KIF21A: variants seen among roughly 807,000 people sequenced by gnomAD.
The protein encoded by KIF21A is kinesin-like protein KIF21A.
KIF21A carries 114 observed loss-of-function variants against 202.9 expected under a neutral mutation model. The observed-to-expected ratio is 0.56, with a 90% CI of 0.48 to 0.66. The LOEUF (loss-of-function observed/expected upper bound fraction) is 0.66, where lower values mean the gene tolerates loss of function less well. Ranked by LOEUF, KIF21A falls within the 30% of genes least tolerant of loss-of-function variation. KIF21A has a pLI of 0.00. For synonymous variants in KIF21A, 667 were observed against 670.8 expected (o/e 0.99, Z 0.09); for missense variants, 1,677 against 1,994.9 (o/e 0.84, Z 3.04).
chr12:39,407,729 C>T (rs1427254400), intron 1 of KIF21A, among the ~76,000 whole-genome samples: 1 of 151,880 alleles, frequency 6.6e-6, no homozygotes, highest in Non-Finnish European at 1.5e-5. Context: ...ACAAATATTC[C>T]CCTACTCAAT....
At chr12:39,418,640 T>C (rs1035046405) in intron 1 of KIF21A, among the ~76,000 whole-genome samples, 1 of 152,206 alleles carries the variant, frequency 6.6e-6, no homozygotes. Context: ...CTCAAGCTTC[T>C]ACAGTAGCAT....
chr12:39,421,542 A>C (rs1480755718), intron 1 of KIF21A, among the ~76,000 whole-genome samples: 1 of 151,656 alleles, frequency 6.6e-6, no homozygotes, highest in Non-Finnish European at 1.5e-5. Flanking sequence ...AAAATACACA[A>C]ATTAGCCGGG....
At chr12:39,406,155 C>T (rs1952573545) in intron 1 of KIF21A, among the ~76,000 whole-genome samples, 1 of 151,648 alleles carries the variant, frequency 6.6e-6, no homozygotes. Flanking sequence ...CACCCCACTT[C>T]CTCCAAAAAA....
chr12:39,321,775 G>C (rs1467171216), intron 27 of KIF21A: 1 of 152,122 alleles, frequency 6.6e-6, no homozygotes, highest in Admixed American at 6.5e-5. Flanking sequence ...CACTTTTGGG[G>C]GGGCAATATT....
Position 39,303,044 on chromosome 12 carries a change from A to T in KIF21A, c.4652T>A (p.Ile1551Asn). ...PHYDGIEALT[I>N]QGDNLFSGSR... ...CCCACTAAATAGGTTATCCCCTTGA[A>T]TGGTTAGTGCTTCTATGCCATCATA... is the stretch of plus-strand genomic sequence containing the variant. The change falls in exon 36 of 38, where the codon ATT becomes AAT. Residue 1551 changes from isoleucine to asparagine, a missense_variant. Transcript: ENST00000361418. 2 of 1,613,908 alleles carry T rather than the reference A, an allele frequency of 1.2e-6. No individual in the cohort carries two copies. Among genetic ancestry groups the T allele is most frequent in the Non-Finnish European group, 1.7e-6 (2 of 1,179,822 alleles).
At chr12:39,322,140 C>G (rs1008966007) in intron 27 of KIF21A, 1 of 152,398 alleles carries the variant, frequency 6.6e-6, no homozygotes, top group African/African-American at 2.4e-5. Context: ...TTGGGGCATA[C>G]ACTCATCCCA....
intron 1 of KIF21A, among the ~76,000 whole-genome samples, chr12:39,384,756 C>T (rs1950835353): frequency 6.6e-6 from 1 of 152,258 alleles, no homozygotes; most frequent in South Asian, 2.1e-4. Flanking sequence ...CAAAGTCTTA[C>T]CAGGCTAAAA....
At position 39,340,230 on chromosome 12, in the gene KIF21A, G is replaced by A. The variant is rs1393671045; in HGVS notation, c.2245C>T (p.Gln749Ter). ...TTCAATTGCTTTTCATACTGAGACT[G>A]ATTTTTAAGCAACCTTGCATGTTCT... Reference protein sequence around the residue: ...QKEHARLLKNQSQYEKQLKKL... With the variant: ...QKEHARLLKN The change falls in exon 16 of 38, where the codon CAG becomes TAG. Residue 749 changes from glutamine (Q) to a stop codon, truncating the protein, a stop_gained. Transcript: ENST00000361418. LOFTEE classifies it high-confidence loss of function. The A allele has an allele frequency of 6.2e-7, 1 of 1,612,894 alleles. No homozygotes were observed. Among genetic ancestry groups the A allele is most frequent in the Non-Finnish European group, 8.5e-7 (1 of 1,179,552 alleles).
chr12:39,358,766 G>A (rs1249241387), intron 7 of KIF21A, among the ~76,000 whole-genome samples: 5 of 152,114 alleles, frequency 3.3e-5, no homozygotes, highest in African/African-American at 4.8e-5. Context: ...CCAGTATCCT[G>A]ACTTTTGATG....
chr12:39,319,098 A>T (rs1196211914), intron 28 of KIF21A, among the ~76,000 whole-genome samples: 2 of 152,208 alleles, frequency 1.3e-5, no homozygotes, highest in East Asian at 3.9e-4. Flanking sequence ...CCATTTAGGC[A>T]CGGAAAATAA....
intron 10 of KIF21A, among the ~76,000 whole-genome samples, chr12:39,353,679 G>T (rs1224462403): frequency 6.6e-6 from 1 of 151,780 alleles, no homozygotes; most frequent in Admixed American, 6.6e-5. Context: ...AATAATGTAG[G>T]TATTTTATTT....
rs1950286831 is a variant in KIF21A, at chr12:39,376,632, T to C, written c.45-6371A>G. 3.9e-5 allele frequency among the ~76,000 whole-genome samples: 6 copies of C among 152,310 alleles called. No individual in the cohort carries two copies. In the South Asian group the frequency reaches 1.2e-3, roughly 32 times the overall value. On this transcript the variant is annotated intron_variant, in intron 1 of 37. Coordinates refer to ENST00000361418, the MANE Select transcript of KIF21A (RefSeq NM_001173464.2). ...TAAATAAGTCTATGCTATTATAGTT[T>C]ACAACTTCCTATAACTTACGTGTGC...
At chr12:39,295,692 G>GT (rs1054983568) in intron 37 of KIF21A, among the ~76,000 whole-genome samples, 9,604 of 78,144 alleles carry the variant, frequency 0.12, 1,982 homozygotes, top group East Asian at 0.27. Flanking sequence ...CTTGGGATAT[G>GT]TTTTTTTTTT....
chr12:39,325,701 A>C (rs1945830959), intron 26 of KIF21A, 138 bp downstream of exon 26: 1 of 659,786 alleles, frequency 1.5e-6, no homozygotes, highest in Non-Finnish European at 2.6e-6. Flanking sequence ...TGATTAAAAA[A>C]ACTAAATAAA....
chr12:39,350,276 C>T (rs1283385306), intron 11 of KIF21A, among the ~76,000 whole-genome samples: 1 of 151,826 alleles, frequency 6.6e-6, no homozygotes, highest in Non-Finnish European at 1.5e-5. Context: ...TAAAAACAGC[C>T]TAGATTTCTA....
intron 1 of KIF21A, among the ~76,000 whole-genome samples, chr12:39,385,546 A>G (rs1950888110): frequency 6.6e-6 from 1 of 152,228 alleles, no homozygotes; most frequent in Admixed American, 6.5e-5. Flanking sequence ...TAATTTAAAT[A>G]TCCTTAGTTT....
chr12:39,436,448 A>ATATATATATATATATATATTTTT (rs1387332677), intron 1 of KIF21A, among the ~76,000 whole-genome samples: 4 of 95,760 alleles, frequency 4.2e-5, no homozygotes, highest in Non-Finnish European at 7.9e-5. Flanking sequence ...ATATATATAT[A>ATATATATATATATATATATTTTT]TTTTTTTTTT....
At chr12:39,320,932 C>CAAAAAA (rs59613512) in intron 27 of KIF21A, among the ~76,000 whole-genome samples, 1 of 16,138 alleles carries the variant, frequency 6.2e-5, no homozygotes, top group Non-Finnish European at 1.3e-4. Context: ...AAGACTCTGC[C>CAAAAAA]AAAAAAAAAA....
chr12:39,318,849 C>T (rs1944873901), intron 28 of KIF21A, among the ~76,000 whole-genome samples: 1 of 152,044 alleles, frequency 6.6e-6, no homozygotes, highest in South Asian at 2.1e-4. Flanking sequence ...GGCGTGGTGG[C>T]GGGCGCCGGT....
Sources: allele counts gnomAD v4.1 joint callset (sites outside exome capture counted in the v4.1 genomes callset), GRCh38; gene constraint gnomAD v4.1.1; transcripts MANE v1.5; gene names NCBI Gene and HGNC (gene_info 2026-07-23, HGNC 2026-07-21).